Variants in CNTNAP2 observed in about 807,000 individuals in gnomAD.
CNTNAP2 encodes contactin associated protein 2, also known as contactin-associated protein-like 2.
In CNTNAP2, 98 loss-of-function variants were observed where a neutral mutation model predicts 155.2. The ratio of observed to expected loss-of-function variants is 0.63; its 90% CI spans 0.54 to 0.75. The LOEUF is 0.75. Among genes scored for constraint, CNTNAP2 ranks in the 30% least tolerant of loss-of-function variants. The pLI, the probability that CNTNAP2 is intolerant of heterozygous loss-of-function variation, is 0.00. For missense variants in CNTNAP2, 1,727 were observed against 1,688.1 expected (o/e 1.02, Z -0.40); for synonymous variants, 651 against 631.2 (o/e 1.03, Z -0.47).
chr7:146,357,019 A>C (rs1795008205), intron 1 of CNTNAP2, among the ~76,000 whole-genome samples: 2 of 152,190 alleles, frequency 1.3e-5, no homozygotes, highest in African/African-American at 4.8e-5. Context: ...TCCAACGTGC[A>C]ATGACTGAAG....
intron 11 of CNTNAP2, among the ~76,000 whole-genome samples, chr7:147,488,400 G>A (rs1209915605): frequency 1.3e-5 from 2 of 152,188 alleles, no homozygotes; most frequent in Non-Finnish European, 2.9e-5. Flanking sequence ...TATTCTACAA[G>A]CCAGTGAGCT....
intron 7 of CNTNAP2, among the ~76,000 whole-genome samples, chr7:147,129,464 A>C (rs1356054451): frequency 6.6e-6 from 1 of 152,144 alleles, no homozygotes; most frequent in Non-Finnish European, 1.5e-5. Flanking sequence ...CAAAAGTCAA[A>C]GAAAGCCCCA....
At chr7:147,103,749 A>C (rs1800700585) in intron 4 of CNTNAP2, among the ~76,000 whole-genome samples, 1 of 151,866 alleles carries the variant, frequency 6.6e-6, no homozygotes, top group Non-Finnish European at 1.5e-5. Flanking sequence ...ATATAATTGA[A>C]AAATAAAAAT....
chr7:147,253,037 C>G (rs1311478653), intron 8 of CNTNAP2, among the ~76,000 whole-genome samples: 3 of 152,150 alleles, frequency 2.0e-5, no homozygotes, highest in Admixed American at 6.5e-5. Context: ...TGTCAAGGAT[C>G]AAATGAAGAC....
intron 1 of CNTNAP2, among the ~76,000 whole-genome samples, chr7:146,278,387 G>T (rs1304653884): frequency 6.6e-6 from 1 of 152,100 alleles, no homozygotes; most frequent in Non-Finnish European, 1.5e-5. Context: ...TGTAACATCA[G>T]TGTGAAGATG....
intron 1 of CNTNAP2, among the ~76,000 whole-genome samples, chr7:146,757,291 G>A (rs983041627): frequency 5.9e-5 from 9 of 152,118 alleles, no homozygotes; most frequent in East Asian, 3.9e-4. Flanking sequence ...ATTTATCTAC[G>A]TCACAGTAAC....
At chr7:148,084,233 C>T (rs1398869328) in intron 15 of CNTNAP2, among the ~76,000 whole-genome samples, 1 of 152,182 alleles carries the variant, frequency 6.6e-6, no homozygotes. Context: ...AACCTTGTTT[C>T]CTGCTGCCAC....
At chr7:146,458,739 A>C (rs1420025628) in intron 1 of CNTNAP2, among the ~76,000 whole-genome samples, 2 of 152,130 alleles carry the variant, frequency 1.3e-5, no homozygotes, top group African/African-American at 4.8e-5. Context: ...CTTTGAGTAA[A>C]GTAGATTGCC....
chr7:146,117,246 G>A (rs1003575368), intron 1 of CNTNAP2: 4 of 473,740 alleles, frequency 8.4e-6, no homozygotes, highest in Admixed American at 6.6e-5. Flanking sequence ...AGAGACTGAT[G>A]TAGATGGCAG....
At chr7:146,655,439 GA>G (rs1799981564) in intron 1 of CNTNAP2, among the ~76,000 whole-genome samples, 1 of 140,572 alleles carries the variant, frequency 7.1e-6, no homozygotes, top group Admixed American at 7.1e-5. Flanking sequence ...AAAAAAGAAA[GA>G]AAAATATATC....
rs148523510 is a variant in CNTNAP2, at chr7:147,658,826, T to C, written c.2098+19520T>C. Reference sequence around the variant, plus strand: ...CACTGACCCTTTGTTTTTTCTATAGTTCTGTTAATGTACTCAATCAGGCTA... The same window carrying C: ...CACTGACCCTTTGTTTTTTCTATAGCTCTGTTAATGTACTCAATCAGGCTA... On this transcript the variant is annotated intron_variant, in intron 13 of 23. Coordinates refer to ENST00000361727, the MANE Select transcript of CNTNAP2 (RefSeq NM_014141.6). Among the ~76,000 whole-genome samples, 29 of 152,306 alleles carry C rather than the reference T, an allele frequency of 1.9e-4. No homozygotes were observed. The East Asian group carries it at 3.3e-3, about 17-fold the overall frequency.
At chr7:146,449,581 T>C (rs1420336819) in intron 1 of CNTNAP2, among the ~76,000 whole-genome samples, 2 of 152,190 alleles carry the variant, frequency 1.3e-5, no homozygotes, top group African/African-American at 4.8e-5. Context: ...AGAGAAATTA[T>C]GTGTACTCCA....
At chr7:147,025,635 T>C (rs1798904360) in intron 3 of CNTNAP2, among the ~76,000 whole-genome samples, 1 of 151,824 alleles carries the variant, frequency 6.6e-6, no homozygotes, top group Non-Finnish European at 1.5e-5. Flanking sequence ...CAGGGATACA[T>C]ATCCAAACTG....
At chr7:146,212,591 A>G (rs1799053103) in intron 1 of CNTNAP2, among the ~76,000 whole-genome samples, 1 of 152,206 alleles carries the variant, frequency 6.6e-6, no homozygotes, top group Non-Finnish European at 1.5e-5. Context: ...TTTATGAGTA[A>G]TTACATTTTA....
At chr7:146,971,190 T>C (rs887321978) in intron 3 of CNTNAP2, among the ~76,000 whole-genome samples, 6 of 145,094 alleles carry the variant, frequency 4.1e-5, no homozygotes, top group Non-Finnish European at 9.1e-5. Flanking sequence ...ACATGTACCC[T>C]AAAACTTAAA....
chr7:147,575,571 A>G (rs1053839145), intron 12 of CNTNAP2, among the ~76,000 whole-genome samples: 3 of 151,280 alleles, frequency 2.0e-5, no homozygotes, highest in African/African-American at 7.3e-5. Context: ...TAGGGGATTT[A>G]GAAGGCATAT....
At chr7:146,121,254 G>A (rs187053344) in intron 1 of CNTNAP2, among the ~76,000 whole-genome samples, 1 of 148,506 alleles carries the variant, frequency 6.7e-6, no homozygotes, top group Non-Finnish European at 1.5e-5. Context: ...TCAGCCTCCC[G>A]AGTAGCTGGG....
At chr7:146,841,842 G>GA (rs909350226) in intron 3 of CNTNAP2, among the ~76,000 whole-genome samples, 2 of 150,068 alleles carry the variant, frequency 1.3e-5, no homozygotes, top group African/African-American at 2.4e-5. Context: ...GAGACATAAG[G>GA]AAAAAAGGCT....
intron 3 of CNTNAP2, among the ~76,000 whole-genome samples, chr7:147,011,499 G>C (rs990153685): frequency 6.6e-6 from 1 of 151,152 alleles, no homozygotes; most frequent in Non-Finnish European, 1.5e-5. Context: ...GATTGAAAGA[G>C]GCATAAAAAC....
Sources: gnomAD v4.1 joint callset for allele counts (sites outside exome capture counted in the v4.1 genomes callset) on GRCh38, gnomAD v4.1.1 for gene constraint, MANE v1.5 for transcripts, NCBI Gene and HGNC (gene_info 2026-07-23, HGNC 2026-07-21) for gene names.